Variants in NLK observed in about 807,000 individuals in gnomAD.
NLK encodes the protein nemo like kinase.
In NLK, 11 loss-of-function variants were observed where a neutral mutation model predicts 59.0. The observed-to-expected ratio is 0.19, with a 90% CI of 0.12 to 0.31. NLK has a LOEUF of 0.31. Ranked by LOEUF, NLK falls within the 10% of genes least tolerant of loss-of-function variation. NLK has a pLI of 1.00. For missense variants in NLK, 410 were observed against 661.1 expected, an observed-to-expected ratio of 0.62 and a Z score of 4.16; for synonymous variants, 235 against 235.9, an observed-to-expected ratio of 1.00 and a Z score of 0.03.
intron 1 of NLK, among the ~76,000 whole-genome samples, chr17:28,065,592 A>G (rs1274952431): frequency 6.6e-6 from 1 of 152,204 alleles, no homozygotes; most frequent in Non-Finnish European, 1.5e-5. Flanking sequence ...GGCTCAGGCA[A>G]TACTAAGAAG....
chr17:28,197,680 G>A (rs1445311926), downstream of NLK, among the ~76,000 whole-genome samples: 1 of 152,030 alleles, frequency 6.6e-6, no homozygotes, highest in Non-Finnish European at 1.5e-5. Flanking sequence ...AGAACATGTG[G>A]AAGATGCAGA....
At chr17:28,155,134 G>A (rs1470174169) in intron 3 of NLK, among the ~76,000 whole-genome samples, 3 of 152,166 alleles carry the variant, frequency 2.0e-5, no homozygotes, top group Non-Finnish European at 2.9e-5. Context: ...AGAACACTAT[G>A]CAGTCATTAA....
intron 1 of NLK, among the ~76,000 whole-genome samples, chr17:28,084,469 A>G (rs1442427601): frequency 6.6e-6 from 1 of 152,204 alleles, no homozygotes; most frequent in East Asian, 1.9e-4. Flanking sequence ...CTAAGTGCCA[A>G]TCCAAAAAGA....
intron 6 of NLK, among the ~76,000 whole-genome samples, chr17:28,171,606 A>G (rs1365042155): frequency 6.6e-6 from 1 of 152,176 alleles, no homozygotes. Flanking sequence ...AAGGATGTGT[A>G]CTGGCCCAAG....
In NLK at chr17:28,192,165, T is replaced by C. The variant is rs1208725653; in HGVS notation, c.1481T>C (p.Val494Ala). ...FILEQQKGNR[V>A]PLCINPQSAA... The stretch of plus-strand genomic sequence containing the variant: ...TTGGAACAGCAGAAAGGAAACAGAG[T>C]GCCTCTCTGCATCAACCCTCAGTCT... Residue 494 changes from valine (V) to alanine (A), a missense_variant, in exon 10 of 11, where the codon GTG becomes GCG. Val to Ala is a moderately conservative substitution (Grantham distance 64, BLOSUM62 0). This residue lies in a region of NLK where 2 missense variants were observed against 18.8 expected (regional missense o/e 0.11). Coordinates refer to ENST00000407008, the MANE Select transcript of NLK (RefSeq NM_016231.5). 1 of 1,609,762 alleles carries C rather than the reference T, an allele frequency of 6.2e-7. No homozygotes were observed. Among genetic ancestry groups the C allele is most frequent in the African/African-American group, 1.3e-5 (1 of 74,864 alleles).
intron 1 of NLK, among the ~76,000 whole-genome samples, chr17:28,098,060 C>G (rs941705029): frequency 2.0e-5 from 3 of 152,158 alleles, no homozygotes; most frequent in African/African-American, 7.2e-5. Context: ...CTACAAATAA[C>G]CAGATCCAGC....
chr17:28,182,701 C>T (rs1908957643), intron 7 of NLK, among the ~76,000 whole-genome samples: 1 of 152,032 alleles, frequency 6.6e-6, no homozygotes, highest in Admixed American at 6.6e-5. Flanking sequence ...CCCCCACCAC[C>T]CCACCCCTGT....
chr17:28,179,316 A>G (rs1322444239), intron 7 of NLK, among the ~76,000 whole-genome samples: 1 of 152,030 alleles, frequency 6.6e-6, no homozygotes, highest in Non-Finnish European at 1.5e-5. Context: ...TGCAGCCTCA[A>G]TTTTCCAGGC....
intron 3 of NLK, among the ~76,000 whole-genome samples, chr17:28,140,562 A>G (rs551140128): frequency 3.9e-5 from 6 of 152,288 alleles, no homozygotes; most frequent in Non-Finnish European, 8.8e-5. Flanking sequence ...ATGATGCTCA[A>G]TGTTTGTTTT....
At chr17:28,148,795 C>T (rs1196408063) in intron 3 of NLK, among the ~76,000 whole-genome samples, 1 of 152,102 alleles carries the variant, frequency 6.6e-6, no homozygotes, top group South Asian at 2.1e-4. Context: ...CTGCCAGTAA[C>T]AGAACTAAGA....
intron 3 of NLK, among the ~76,000 whole-genome samples, chr17:28,158,188 G>A (rs1597715338): frequency 6.6e-6 from 1 of 152,126 alleles, no homozygotes. Context: ...TTCCTCTTAG[G>A]CTACAAACCT....
At chr17:28,149,994 C>G (rs1445688072) in intron 3 of NLK, among the ~76,000 whole-genome samples, 1 of 152,168 alleles carries the variant, frequency 6.6e-6, no homozygotes, top group African/African-American at 2.4e-5. Context: ...ATGGCAGTCT[C>G]ATGTATTTCA....
chr17:28,062,169 G>A (rs1909684431), intron 1 of NLK: 1 of 152,046 alleles, frequency 6.6e-6, no homozygotes, highest in Non-Finnish European at 1.5e-5. Flanking sequence ...GAGAGAGCGA[G>A]AGTTATAGAT....
intron 1 of NLK, among the ~76,000 whole-genome samples, chr17:28,088,681 T>C (rs1904369713): frequency 1.3e-5 from 2 of 152,232 alleles, no homozygotes; most frequent in South Asian, 4.1e-4. Flanking sequence ...TTTTGGTCAC[T>C]GGGCTCCTGA....
chr17:28,112,817 A>T (rs1001808096), intron 1 of NLK, among the ~76,000 whole-genome samples: 2 of 152,194 alleles, frequency 1.3e-5, no homozygotes, highest in Admixed American at 6.5e-5. Flanking sequence ...ATTTGCTGAC[A>T]GCGCTTTCCT....
At chr17:28,191,724 G>A (rs542089412) in intron 9 of NLK, among the ~76,000 whole-genome samples, 1 of 152,238 alleles carries the variant, frequency 6.6e-6, no homozygotes, top group East Asian at 1.9e-4. Flanking sequence ...AAGAGAGAGA[G>A]TAGTCCCCAA....
chr17:28,164,879 T>C (rs1908159613), intron 5 of NLK, among the ~76,000 whole-genome samples: 1 of 152,214 alleles, frequency 6.6e-6, no homozygotes, highest in Non-Finnish European at 1.5e-5. Flanking sequence ...CTCTGAACTG[T>C]AGGTCAGTTC....
At chr17:28,093,806 A>G (rs1373136776) in intron 1 of NLK, among the ~76,000 whole-genome samples, 1 of 152,130 alleles carries the variant, frequency 6.6e-6, no homozygotes, top group Non-Finnish European at 1.5e-5. Flanking sequence ...CCAAAGACTC[A>G]CCATATATTT....
At chr17:28,184,433 T>A (rs1238612446) in intron 7 of NLK, among the ~76,000 whole-genome samples, 1 of 152,224 alleles carries the variant, frequency 6.6e-6, no homozygotes, top group Non-Finnish European at 1.5e-5. Context: ...TTGGCCATGC[T>A]CTGATCCCAC....
Sources: allele counts gnomAD v4.1 joint callset (sites outside exome capture counted in the v4.1 genomes callset), GRCh38; gene constraint gnomAD v4.1.1; regional missense constraint gnomAD v4.1.1; transcripts MANE v1.5; gene names NCBI Gene and HGNC (gene_info 2026-07-23, HGNC 2026-07-21).